Variants in CLSTN2 observed in about 807,000 individuals in gnomAD.
The protein encoded by CLSTN2 is calsyntenin-2.
In CLSTN2, 48 loss-of-function variants were observed where a neutral mutation model predicts 101.2. The ratio of observed to expected loss-of-function variants is 0.47; its 90% CI spans 0.38 to 0.60. CLSTN2 has a LOEUF of 0.60. Among genes scored for constraint, CLSTN2 ranks in the 20% least tolerant of loss-of-function variants. The probability of loss-of-function intolerance (pLI) is 0.00; values close to 1 mark genes in which losing one functional copy is unlikely to be tolerated. For synonymous variants in CLSTN2, 481 were observed against 463.6 expected (o/e 1.04, Z -0.48); for missense variants, 1,160 against 1,238.2 (o/e 0.94, Z 0.95).
intron 1 of CLSTN2, among the ~76,000 whole-genome samples, chr3:140,079,765 A>C (rs1016065344): frequency 1.3e-5 from 2 of 149,688 alleles, no homozygotes; most frequent in African/African-American, 4.9e-5. Flanking sequence ...AAAAAAAGAA[A>C]GAAAAAAAAG....
rs114977480 is a variant in CLSTN2, at chr3:139,961,377, A to G, written c.109+25894A>G. Among the ~76,000 whole-genome samples, 1,003 of 152,250 alleles carry G rather than the reference A, an allele frequency of 6.6e-3. 12 individuals are homozygous for G. The highest frequency in any genetic ancestry group is 0.04 in the East Asian group (210 of 5,192). The stretch of plus-strand genomic sequence containing the variant: ...TTGTATCCTTAGCTTTTTCCTAGGT[A>G]TTGTGGCAAGGTGGGATGGATGTGG... On this transcript the variant is annotated intron_variant, in intron 1 of 16. Coordinates refer to ENST00000458420, the MANE Select transcript of CLSTN2 (RefSeq NM_022131.3).
chr3:140,373,839 T>C (rs572117016), intron 2 of CLSTN2, among the ~76,000 whole-genome samples: 2 of 152,254 alleles, frequency 1.3e-5, no homozygotes, highest in African/African-American at 4.8e-5. Context: ...GACAGGGAGT[T>C]CTCCACCAGC....
At chr3:140,012,407 G>A (rs1341103830) in intron 1 of CLSTN2, among the ~76,000 whole-genome samples, 3 of 152,208 alleles carry the variant, frequency 2.0e-5, no homozygotes. Flanking sequence ...AGGCTGTCCA[G>A]AGCTTGGTGG....
At chr3:140,228,051 G>A (rs538781228) in intron 2 of CLSTN2, among the ~76,000 whole-genome samples, 24 of 152,268 alleles carry the variant, frequency 1.6e-4, no homozygotes, top group South Asian at 4.2e-4. Context: ...TTGTCTCCTC[G>A]TTACTTATGC....
At chr3:140,043,305 G>C (rs1310918220) in intron 1 of CLSTN2, among the ~76,000 whole-genome samples, 5 of 152,216 alleles carry the variant, frequency 3.3e-5, no homozygotes, top group Middle Eastern at 3.4e-3. Context: ...TGTGTCTGTT[G>C]GCTGCATAAA....
intron 2 of CLSTN2, among the ~76,000 whole-genome samples, chr3:140,320,704 A>C (rs184205608): frequency 6.6e-6 from 1 of 152,298 alleles, no homozygotes; most frequent in Admixed American, 6.5e-5. Flanking sequence ...CCCCTTCCAA[A>C]AAAAAAGAAA....
At position 140,490,111 on chromosome 3, in the gene CLSTN2, TATATATACACACACAC is replaced by T. The variant is rs1559884945; in HGVS notation, c.1344+23382_1344+23397del. On this transcript the variant is annotated intron_variant, in intron 8 of 16. Transcript: ENST00000458420. Reference sequence around the variant, plus strand: ...GTGTATATATATATATATATATATATATATATACACACACACACACACACACACACACACACACACA... The same window carrying T: ...GTGTATATATATATATATATATATATACACACACACACACACACACACACA... Among the ~76,000 whole-genome samples the T allele has an allele frequency of 2.2e-3, 17 of 7,562 alleles. 2 individuals carry two copies. The highest frequency in any genetic ancestry group is 6.4e-3 in the African/African-American group (10 of 1,570). 5.0% of individuals were successfully genotyped at this position (7,562 alleles called of 152,430 possible). A position where few individuals can be genotyped will look rare whatever the true frequency, so the allele number is the denominator to read the frequency against.
At chr3:140,082,756 C>T (rs1489281693) in intron 1 of CLSTN2, among the ~76,000 whole-genome samples, 1 of 152,314 alleles carries the variant, frequency 6.6e-6, no homozygotes, top group South Asian at 2.1e-4. Flanking sequence ...CCCCCATGAT[C>T]CACCATAGTT....
intron 1 of CLSTN2, among the ~76,000 whole-genome samples, chr3:139,991,136 G>T (rs1394358659): frequency 1.3e-5 from 2 of 152,170 alleles, no homozygotes; most frequent in African/African-American, 4.8e-5. Context: ...AAATACAGGT[G>T]CTGTGTTGAT....
intron 1 of CLSTN2, among the ~76,000 whole-genome samples, chr3:140,145,963 G>A (rs1017286519): frequency 9.2e-5 from 14 of 152,198 alleles, no homozygotes; most frequent in African/African-American, 3.4e-4. Flanking sequence ...TTTTCCACAA[G>A]AAGCCTACCT....
In CLSTN2 at chr3:140,571,490, T is replaced by C. The variant is rs539669623; in HGVS notation, c.*5237T>C. On this transcript the variant is annotated 3_prime_UTR_variant, in exon 17 of 17. Coordinates refer to ENST00000458420, the MANE Select transcript of CLSTN2 (RefSeq NM_022131.3). ...TTTTAGGTAAGATAACGTTTAGGCC[T>C]CTGGGGGATCCCCAAAGCCTTCTGC... The C allele has an allele frequency of 2.6e-5, 4 of 152,394 alleles. 1 individual carries two copies. The highest frequency in any genetic ancestry group is 7.2e-5 in the African/African-American group (3 of 41,602). 9.4% of individuals were successfully genotyped at this position (152,394 alleles called of 1,614,324 possible).
rs182068810 is a variant in CLSTN2 at position 140,124,027 on chromosome 3, G to A, written c.110-51924G>A. 1.8e-3 allele frequency among the ~76,000 whole-genome samples: 274 copies of A among 152,198 alleles called. 5 individuals carry two copies. The South Asian group carries it at 0.023, about 13-fold the overall frequency. ...TGGGGCTGGCAGCACTCAGTCTATA[G>A]CATGAAGAGAGAGACAATTTTAAAA... On this transcript the variant is annotated intron_variant, in intron 1 of 16. Transcript: ENST00000458420.
At chr3:140,537,900 G>T (rs1935389477) in intron 9 of CLSTN2, among the ~76,000 whole-genome samples, 1 of 152,192 alleles carries the variant, frequency 6.6e-6, no homozygotes, top group African/African-American at 2.4e-5. Flanking sequence ...TAGGCTGCTG[G>T]TTGTGCCAGA....
intron 8 of CLSTN2, among the ~76,000 whole-genome samples, chr3:140,514,085 T>C (rs753508395): frequency 7.9e-5 from 12 of 152,130 alleles, no homozygotes; most frequent in Admixed American, 3.9e-4. Context: ...CATGTCACTA[T>C]CTCCTTCAGT....
At chr3:140,143,973 G>A (rs1312310653) in intron 1 of CLSTN2, among the ~76,000 whole-genome samples, 1 of 152,158 alleles carries the variant, frequency 6.6e-6, no homozygotes. Context: ...ATGTCTTTTG[G>A]AGTTGAATGT....
intron 1 of CLSTN2, among the ~76,000 whole-genome samples, chr3:139,954,950 G>A (rs1935361977): frequency 6.6e-6 from 1 of 151,782 alleles, no homozygotes; most frequent in African/African-American, 2.4e-5. Flanking sequence ...ACATGGCCCA[G>A]CTTAAATGGA....
intron 2 of CLSTN2, among the ~76,000 whole-genome samples, chr3:140,242,039 C>T (rs959030390): frequency 2.0e-5 from 3 of 151,870 alleles, no homozygotes; most frequent in African/African-American, 7.3e-5. Flanking sequence ...TCCTGAGTAG[C>T]TGGGATTAGA....
chr3:140,566,824 G>C lies in CLSTN2; in HGVS notation c.*571G>C, dbSNP rs370825655. 1.6e-4 allele frequency: 20 copies of C among 123,574 alleles called. 1 individual carries two copies. Among genetic ancestry groups the C allele is most frequent in the African/African-American group, 3.9e-4 (14 of 35,528 alleles). 7.7% of individuals were successfully genotyped at this position (123,574 alleles called of 1,614,324 possible). A position where few individuals can be genotyped will look rare whatever the true frequency, so the allele number is the denominator to read the frequency against. Reference sequence around the variant, plus strand: ...ACATTCTCTCTCTCTCTCTCTCTCTGTCTATCTAGTTCCCCAGCTTGGAGA... The same window carrying C: ...ACATTCTCTCTCTCTCTCTCTCTCTCTCTATCTAGTTCCCCAGCTTGGAGA... On this transcript the variant is annotated 3_prime_UTR_variant, in exon 17 of 17. Transcript: ENST00000458420.
chr3:140,171,248 C>T (rs1403115348), intron 1 of CLSTN2, among the ~76,000 whole-genome samples: 4 of 152,108 alleles, frequency 2.6e-5, no homozygotes, highest in Admixed American at 2.0e-4. Context: ...ATGGATGTAC[C>T]TACTGTCCAA....
Sources: allele counts gnomAD v4.1 joint callset (sites outside exome capture counted in the v4.1 genomes callset), GRCh38; gene constraint gnomAD v4.1.1; transcripts MANE v1.5; gene names NCBI Gene and HGNC (gene_info 2026-07-23, HGNC 2026-07-21).